The following TLR1 variants were observed in gnomAD, a reference collection of about 807,000 sequenced individuals.
TLR1 encodes toll like receptor 1, also known as toll-like receptor 1.
TLR1 carries 19 observed loss-of-function variants against 20.2 expected under a neutral mutation model. The ratio of observed to expected loss-of-function variants is 0.94; its 90% CI spans 0.66 to 1.38. The LOEUF is 1.38. Among genes scored for constraint, TLR1 ranks in the 40% most tolerant of loss-of-function variants. The probability of loss-of-function intolerance (pLI) is 0.00; values close to 1 mark genes in which losing one functional copy is unlikely to be tolerated. For synonymous variants in TLR1, 320 were observed against 334.5 expected (o/e 0.96, Z 0.47); for missense variants, 921 against 910.0 (o/e 1.01, Z -0.16).
rs5743611 is a variant in TLR1 at position 38,798,593 on chromosome 4, C to G, written c.239G>C (p.Arg80Thr). The G allele has an allele frequency of 0.079, 128,126 of 1,613,772 alleles. 7,073 individuals carry two copies. The highest frequency in any genetic ancestry group is 0.09 in the Non-Finnish European group (105,860 of 1,179,822). The change falls in exon 4 of 4, where the codon AGA becomes ACA. Residue 80 changes from arginine (R) to threonine (T), a missense_variant. Transcript: ENST00000308979. ...KLRILIISHNRIQYLDISVFK... is the reference protein window; with the variant it reads ...KLRILIISHNTIQYLDISVFK... Reference sequence around the variant, plus strand: ...AACACTGATATCAAGATACTGGATTCTATTATGAGAAATTATCAAAATCCT... The same window carrying G: ...AACACTGATATCAAGATACTGGATTGTATTATGAGAAATTATCAAAATCCT...
In TLR1 at chr4:38,797,040, T is replaced by C; in HGVS notation, c.1792A>G (p.Thr598Ala). Reference protein sequence around the residue: ...ATMLVLAVTVTSLCSYLDLPW... With the variant: ...ATMLVLAVTVASLCSYLDLPW... ...AGATCCAAGTAGCTGCAGAGGGAGGTCACAGTCACAGCCAACACCAGCATG... is the reference window on the plus strand; with the variant it reads ...AGATCCAAGTAGCTGCAGAGGGAGGCCACAGTCACAGCCAACACCAGCATG... The change falls in exon 4 of 4, where the codon ACC becomes GCC. Residue 598 changes from threonine (T) to alanine (A), a missense_variant. Thr to Ala is a moderately conservative substitution (Grantham distance 58, BLOSUM62 0). Coordinates refer to ENST00000308979, the MANE Select transcript of TLR1 (RefSeq NM_003263.4). 1.9e-6 allele frequency: 3 copies of C among 1,613,648 alleles called. No individual in the cohort carries two copies. The highest frequency in any genetic ancestry group is 2.5e-6 in the Non-Finnish European group (3 of 1,179,934).
chr4:38,789,822 C>A (rs1318512558), downstream of TLR1, among the ~76,000 whole-genome samples: 1 of 152,144 alleles, frequency 6.6e-6, no homozygotes, highest in Non-Finnish European at 1.5e-5. Flanking sequence ...TGAACTCTTA[C>A]TTTTGGTTAA....
In TLR1 at chr4:38,797,824, T is replaced by A. The variant is rs769122404; in HGVS notation, c.1008A>T (p.Thr336=). Residue 336 remains threonine, a synonymous_variant, in exon 4 of 4, where the codon ACA becomes ACT. Transcript: ENST00000308979. ...MNIKNFTVSG[T]RMVHMLCPSK... is the part of the protein sequence containing the mutation. Reference sequence around the variant, plus strand: ...ATGGGCAAAGCATGTGGACCATGCGTGTACCAGACACTGTGAAATTTTTGA... The same window carrying A: ...ATGGGCAAAGCATGTGGACCATGCGAGTACCAGACACTGTGAAATTTTTGA... 1.2e-6 allele frequency: 2 copies of A among 1,614,158 alleles called. No individual in the cohort carries two copies. Among genetic ancestry groups the A allele is most frequent in the South Asian group, 1.1e-5 (1 of 91,088 alleles).
chr4:38,795,304 T>C (rs1560454380), downstream of TLR1, among the ~76,000 whole-genome samples: 1 of 152,188 alleles, frequency 6.6e-6, no homozygotes, highest in Non-Finnish European at 1.5e-5. Context: ...GGTGTAGTTA[T>C]GACAAGGTTT....
Position 38,796,596 on chromosome 4 carries a change from G to C in TLR1, c.2236C>G (p.Leu746Val). 6.2e-7 allele frequency: 1 copy of C among 1,614,168 alleles called. No individual in the cohort carries two copies. The highest frequency in any genetic ancestry group is 1.1e-5 in the South Asian group (1 of 91,090). Residue 746 changes from leucine (L) to valine (V), a missense_variant, in exon 4 of 4, where the codon CTC (leucine) becomes GTC (valine). Leu to Val is a conservative substitution (Grantham distance 32, BLOSUM62 1). Transcript: ENST00000308979. ...QYSIPSSYHK[L>V]KSLMARRTYL... is the part of the protein sequence containing the mutation. ...GTCCTCCTGGCCATGAGACTTTTGA[G>C]CTTGTGATAACTGCTAGGAATGGAG...
Position 38,797,084 on chromosome 4 carries a change from A to G in TLR1, c.1748T>C (p.Ile583Thr). The G allele has an allele frequency of 3.7e-6, 6 of 1,614,250 alleles. No homozygotes were observed. Among genetic ancestry groups the G allele is most frequent in the Non-Finnish European group, 5.1e-6 (6 of 1,180,048 alleles). ...SELSCNITLL[I>T]VTIVATMLVL... The stretch of plus-strand genomic sequence containing the variant: ...CAGCATGGTGGCAACGATGGTGACG[A>G]TCAGCAGAGTTATGTTGCAGGATAA... The change falls in exon 4 of 4, where the codon ATC (isoleucine) becomes ACC (threonine). Residue 583 changes from isoleucine to threonine, a missense_variant. By Grantham distance (89) the Ile-to-Thr change is moderately conservative (BLOSUM62 -1). Transcript: ENST00000308979.
At chr4:38,788,527 G>T (rs1489292330), downstream of TLR1, among the ~76,000 whole-genome samples, 2 of 152,146 alleles carry the variant, frequency 1.3e-5, no homozygotes, top group East Asian at 3.8e-4. Flanking sequence ...ATTGTTGCTT[G>T]CACTGAATAT....
downstream of TLR1, chr4:38,796,244 A>T: frequency 1.9e-6 from 1 of 520,554 alleles, no homozygotes; most frequent in East Asian, 3.2e-5. Context: ...GCAAAGAAAC[A>T]AGTGGATCCC....
chr4:38,801,836 G>C (rs530792522), intron 2 of TLR1, among the ~76,000 whole-genome samples: 1 of 152,208 alleles, frequency 6.6e-6, no homozygotes, highest in South Asian at 2.1e-4. Flanking sequence ...ACATGAGCAG[G>C]ACAGGAGAGG....
downstream of TLR1, among the ~76,000 whole-genome samples, chr4:38,792,403 T>C (rs1725766851): frequency 6.6e-6 from 1 of 152,210 alleles, no homozygotes; most frequent in South Asian, 2.1e-4. Context: ...CCATTTTCTA[T>C]GCATATTTTA....
Position 38,796,564 on chromosome 4 carries a change from CA to C in TLR1, c.2267del (p.Leu756TrpfsTer17). 6.2e-7 allele frequency: 1 copy of C among 1,614,140 alleles called. No individual in the cohort carries two copies. The highest frequency in any genetic ancestry group is 2.2e-5 in the East Asian group (1 of 44,888). On this transcript the variant is annotated frameshift_variant, in exon 4 of 4. Transcript: ENST00000308979. LOFTEE classifies it high-confidence loss of function. ...GTTTGCTCTTTTCCTTGGGCCATTC[CA>C]AATAAGTCCTCCTGGCCATGAGACT... is the stretch of plus-strand genomic sequence containing the variant. ...LKSLMARRTYLEWPKEKSKRG... is the reference protein window; with the variant it reads ...LKSLMARRTYXEWPKEKSKRG...
chr4:38,791,544 C>A (rs1473510124), downstream of TLR1, among the ~76,000 whole-genome samples: 1 of 152,098 alleles, frequency 6.6e-6, no homozygotes, highest in Non-Finnish European at 1.5e-5. Flanking sequence ...GTTTTGTTTG[C>A]CTCATTTGTT....
In TLR1 at chr4:38,797,600, C is replaced by T; in HGVS notation, c.1232G>A (p.Ser411Asn). The T allele has an allele frequency of 6.2e-7, 1 of 1,613,750 alleles. No homozygotes were observed. The highest frequency in any genetic ancestry group is 1.1e-5 in the South Asian group (1 of 91,028). ...ACAGTCTCCTTTCTTTTCATCATAG[C>T]TTACAGAATTCTGGCTAATATCCAA... ...QQLDISQNSV[S>N]YDEKKGDCSW... Residue 411 changes from serine (S) to asparagine (N), a missense_variant, in exon 4 of 4, where the codon AGC becomes AAC. By Grantham distance (46) the Ser-to-Asn change is conservative. Transcript: ENST00000308979.
At chr4:38,799,428 A>T (rs1393365580) in intron 3 of TLR1, among the ~76,000 whole-genome samples, 1 of 152,168 alleles carries the variant, frequency 6.6e-6, no homozygotes, top group Non-Finnish European at 1.5e-5. Flanking sequence ...GAACATCAAC[A>T]GGCGCCAGAA....
chr4:38,801,212 A>G (rs181159496), intron 2 of TLR1, among the ~76,000 whole-genome samples: 135 of 152,364 alleles, frequency 8.9e-4, no homozygotes, highest in African/African-American at 3.1e-3. Context: ...TAATTAGGTC[A>G]TAAGAATAGA....
Position 38,797,170 on chromosome 4 carries a change from A to C in TLR1, c.1662T>G (p.Tyr554Ter). The change falls in exon 4 of 4, where the codon TAT becomes TAG. Residue 554 changes from tyrosine (Y) to a stop codon, truncating the protein, a stop_gained. Coordinates refer to ENST00000308979, the MANE Select transcript of TLR1 (RefSeq NM_003263.4). LOFTEE classifies it high-confidence loss of function. ...SEVLEGWPDSYKCDYPESYRG... is the reference protein window; with the variant it reads ...SEVLEGWPDS ...TATAACTTTCCGGGTAGTCACACTTATAAGAATCAGGCCAGCCCTCTAACA... is the reference window on the plus strand; with the variant it reads ...TATAACTTTCCGGGTAGTCACACTTCTAAGAATCAGGCCAGCCCTCTAACA... The C allele has an allele frequency of 1.2e-6, 2 of 1,614,238 alleles. No individual in the cohort carries two copies. Among genetic ancestry groups the C allele is most frequent in the Non-Finnish European group, 1.7e-6 (2 of 1,180,048 alleles).
Position 38,798,727 on chromosome 4 carries a change from AC to A in TLR1, c.104del (p.Gly35ValfsTer16). 1 of 1,613,418 alleles carries A rather than the reference AC, an allele frequency of 6.2e-7. No homozygotes were observed. The highest frequency in any genetic ancestry group is 8.5e-7 in the Non-Finnish European group (1 of 1,179,890). On this transcript the variant is annotated frameshift_variant, in exon 4 of 4. Transcript: ENST00000308979. LOFTEE classifies it low-confidence loss of function (END_TRUNC). ...ATAGGTCTTTAGGAACGTGGATGAGACCGTTTTTTGACCTATCAACTAAAAA... is the reference window on the plus strand; with the variant it reads ...ATAGGTCTTTAGGAACGTGGATGAGACGTTTTTTGACCTATCAACTAAAAA... ...SEFLVDRSKNGLIHVPKDLSQ... is the reference protein window; with the variant it reads ...SEFLVDRSKNXLIHVPKDLSQ...
chr4:38,797,031 A>T lies in TLR1; in HGVS notation c.1801T>A (p.Cys601Ser). The change falls in exon 4 of 4, where the codon TGC becomes AGC. Residue 601 changes from cysteine to serine, a missense_variant. Coordinates refer to ENST00000308979, the MANE Select transcript of TLR1 (RefSeq NM_003263.4). ...TACCAGGGCAGATCCAAGTAGCTGC[A>T]GAGGGAGGTCACAGTCACAGCCAAC... is the stretch of plus-strand genomic sequence containing the variant. ...LVLAVTVTSL[C>S]SYLDLPWYLR... The T allele has an allele frequency of 6.2e-7, 1 of 1,614,214 alleles. No individual in the cohort carries two copies. The highest frequency in any genetic ancestry group is 2.2e-5 in the East Asian group (1 of 44,872).
At position 38,798,840 on chromosome 4, in the gene TLR1, A is replaced by T. The variant is rs1186202456; in HGVS notation, c.-9T>A. The T allele has an allele frequency of 1.3e-6, 2 of 1,570,164 alleles. No individual in the cohort carries two copies. The highest frequency in any genetic ancestry group is 3.7e-5 in the Admixed American group (2 of 54,138). ...TGGAAGATGCTAGTCATTTTGGAACACTAGACATTCCTAAAGGTAGAAGCT... is the reference window on the plus strand; with the variant it reads ...TGGAAGATGCTAGTCATTTTGGAACTCTAGACATTCCTAAAGGTAGAAGCT... On this transcript the variant is annotated 5_prime_UTR_variant, in exon 4 of 4. Transcript: ENST00000308979.
Sources: gnomAD v4.1 joint callset for allele counts (sites outside exome capture counted in the v4.1 genomes callset) on GRCh38, gnomAD v4.1.1 for gene constraint, MANE v1.5 for transcripts, NCBI Gene and HGNC (gene_info 2026-07-23, HGNC 2026-07-21) for gene names.